Variants in PCDHGC3 observed in about 807,000 individuals in gnomAD.
PCDHGC3 encodes the protein protocadherin gamma-C3.
PCDHGC3 carries 26 observed loss-of-function variants against 59.2 expected under a neutral mutation model. The observed-to-expected ratio is 0.44, with a 90% CI of 0.32 to 0.61. The LOEUF is 0.61. Ranked by LOEUF, PCDHGC3 falls within the 20% of genes least tolerant of loss-of-function variation. The probability of loss-of-function intolerance (pLI) is 0.05; values close to 1 mark genes in which losing one functional copy is unlikely to be tolerated. For missense variants in PCDHGC3, 1,080 were observed against 1,221.8 expected (o/e 0.88, Z 1.73); for synonymous variants, 487 against 519.7 (o/e 0.94, Z 0.86).
intron 3 of PCDHGC3, among the ~76,000 whole-genome samples, chr5:141,509,398 G>A (rs1218925417): frequency 6.6e-6 from 1 of 152,106 alleles, no homozygotes; most frequent in Admixed American, 6.5e-5. Context: ...GGATCTCAGG[G>A]CCTCCAGCAG....
rs577239742 is a variant in PCDHGC3 at position 141,501,564 on chromosome 5, T to C, written c.2490-3829T>C. ...CATAAGATCATAGGCCCTGGAATCA[T>C]ATTAGGCTGGCTTTCAGGTTGCAAC... On this transcript the variant is annotated intron_variant, in intron 2 of 3. Coordinates refer to ENST00000308177, the MANE Select transcript of PCDHGC3 (RefSeq NM_002588.4). 5.9e-5 allele frequency among the ~76,000 whole-genome samples: 9 copies of C among 152,194 alleles called. No individual in the cohort carries two copies. The South Asian group carries it at 1.7e-3, about 28-fold the overall frequency.
At chr5:141,481,462 C>T (rs1395867714) in intron 1 of PCDHGC3, among the ~76,000 whole-genome samples, 1 of 152,162 alleles carries the variant, frequency 6.6e-6, no homozygotes. Flanking sequence ...ACACTGAAAA[C>T]CATTGGATTA....
rs765263883 is a variant in PCDHGC3 at position 141,491,018 on chromosome 5, C to T, written c.2431-3789C>T. On this transcript the variant is annotated intron_variant, in intron 1 of 3. Coordinates refer to ENST00000308177, the MANE Select transcript of PCDHGC3 (RefSeq NM_002588.4). This position sits in a 1 kb window ranked among gnomAD's most constrained non-coding sequence, Gnocchi z 6.9. The stretch of plus-strand genomic sequence containing the variant: ...CCTGGCTCCTTGGTCACCAAGGTGA[C>T]AGCCGTGGATGCTGATGCAGGCCAC... 1.2e-6 allele frequency: 2 copies of T among 1,614,146 alleles called. No individual in the cohort carries two copies. The highest frequency in any genetic ancestry group is 1.7e-6 in the Non-Finnish European group (2 of 1,180,042).
Position 141,486,587 on chromosome 5 carries a change from G to C in PCDHGC3, c.2430+8041G>C. 6.2e-7 allele frequency: 1 copy of C among 1,613,596 alleles called. No individual in the cohort carries two copies. The highest frequency in any genetic ancestry group is 8.5e-7 in the Non-Finnish European group (1 of 1,180,006). On this transcript the variant is annotated intron_variant, in intron 1 of 3. Transcript: ENST00000308177. The surrounding 1 kb of genome is among the most constrained non-coding windows in gnomAD (Gnocchi z 5.0). ...TGTTCCTGAGAACAATCGCCCAGGG[G>C]ACCTGCTTTGCTCCCTTGCAGCCTC...
At chr5:141,509,335 G>T (rs113423267) in intron 3 of PCDHGC3, among the ~76,000 whole-genome samples, 106 of 152,262 alleles carry the variant, frequency 7.0e-4, no homozygotes, top group African/African-American at 2.4e-3. Context: ...CTGCCAGCTG[G>T]GCCTGGGCTG....
In PCDHGC3 at chr5:141,485,822, G is replaced by A. The variant is rs750883983; in HGVS notation, c.2430+7276G>A. 6.2e-7 allele frequency: 1 copy of A among 1,614,192 alleles called. No individual in the cohort carries two copies. The highest frequency in any genetic ancestry group is 1.1e-5 in the South Asian group (1 of 91,080). ...CCGCCTGGTGCTGACTGCTGTCGAT[G>A]GAGGGAACCCGCCGAGATCTGGCAC... On this transcript the variant is annotated intron_variant, in intron 1 of 3. Transcript: ENST00000308177. This position sits in a 1 kb window ranked among gnomAD's most constrained non-coding sequence, Gnocchi z 5.7.
chr5:141,509,346 G>A (rs946395640), intron 3 of PCDHGC3, among the ~76,000 whole-genome samples: 7 of 152,194 alleles, frequency 4.6e-5, no homozygotes, highest in Non-Finnish European at 8.8e-5. Flanking sequence ...GCCTGGGCTG[G>A]CCTGGGCATC....
At position 141,489,947 on chromosome 5, in the gene PCDHGC3, A is replaced by G. The variant is rs368977481; in HGVS notation, c.2431-4860A>G. The G allele has an allele frequency of 5.4e-5, 87 of 1,614,090 alleles. No individual in the cohort carries two copies. Among genetic ancestry groups the G allele is most frequent in the South Asian group, 6.6e-5 (6 of 91,094 alleles). ...ATCTCTGTCATCGTGCTGGACATCA[A>G]TGATAATGCTCCAACCTTCCAATCC... On this transcript the variant is annotated intron_variant, in intron 1 of 3. Transcript: ENST00000308177. This position sits in a 1 kb window ranked among gnomAD's most constrained non-coding sequence, Gnocchi z 4.5.
chr5:141,503,665 C>A (rs1210514896), intron 2 of PCDHGC3, among the ~76,000 whole-genome samples: 2 of 151,792 alleles, frequency 1.3e-5, no homozygotes, highest in African/African-American at 4.8e-5. Flanking sequence ...AATTACAACT[C>A]TTCCCACTTT....
rs755421316 is a variant in PCDHGC3, at chr5:141,478,345, C to T, written c.2229C>T (p.His743=). The T allele has an allele frequency of 1.9e-6, 3 of 1,613,850 alleles. No homozygotes were observed. Among genetic ancestry groups the T allele is most frequent in the East Asian group, 4.5e-5 (2 of 44,876 alleles). ...SLYRTPGPSL[H]ADAVRGGLMS... ...ACCGAACACCAGGGCCCTCCTTGCA[C>T]GCGGACGCCGTGCGGGGAGGCCTGA... is the stretch of plus-strand genomic sequence containing the variant. The change falls in exon 1 of 4, where the codon CAC becomes CAT. Residue 743 remains histidine, a synonymous_variant. Transcript: ENST00000308177.
At position 141,511,260 on chromosome 5, in the gene PCDHGC3, G is replaced by A; in HGVS notation, c.*87G>A. 6.4e-7 allele frequency: 1 copy of A among 1,558,596 alleles called. No individual in the cohort carries two copies. Among genetic ancestry groups the A allele is most frequent in the Non-Finnish European group, 8.7e-7 (1 of 1,151,758 alleles). On this transcript the variant is annotated 3_prime_UTR_variant, in exon 4 of 4. Transcript: ENST00000308177. ...CCTGCACCCAGGCCTCAGAGTTTCA[G>A]GGCTAACCCCCAGAATACTGGTAGG...
chr5:141,510,847 AG>A, intron 3 of PCDHGC3, 99 bp from the exon 4 acceptor site: 3 of 1,595,350 alleles, frequency 1.9e-6, no homozygotes, highest in Non-Finnish European at 2.6e-6. Context: ...GTCAAGGCCC[AG>A]GGTGCTGTAT....
At position 141,477,284 on chromosome 5, in the gene PCDHGC3, G is replaced by A. The variant is rs751714522; in HGVS notation, c.1168G>A (p.Glu390Lys). 5.0e-6 allele frequency: 8 copies of A among 1,614,150 alleles called. No homozygotes were observed. The South Asian group carries it at 6.6e-5, about 13-fold the overall frequency. ...TGGCGAGAACGGGCTGGTGACCTGC[G>A]AAGTTCCACCGGGTCTCCCTTTCAG... ...DAGENGLVTC[E>K]VPPGLPFSLT... Residue 390 changes from glutamate (E) to lysine (K), a missense_variant, in exon 1 of 4, where the codon GAA becomes AAA. Glu to Lys is a moderately conservative substitution (Grantham distance 56). Transcript: ENST00000308177. This position sits in a 1 kb window ranked among gnomAD's most constrained non-coding sequence, Gnocchi z 4.9.
Position 141,490,835 on chromosome 5 carries a change from T to C in PCDHGC3, c.2431-3972T>C, listed in dbSNP as rs1284804400. 4 of 1,613,728 alleles carry C rather than the reference T, an allele frequency of 2.5e-6. No individual in the cohort carries two copies. The highest frequency in any genetic ancestry group is 1.1e-5 in the South Asian group (1 of 91,076). On this transcript the variant is annotated intron_variant, in intron 1 of 3. Transcript: ENST00000308177. This position sits in a 1 kb window ranked among gnomAD's most constrained non-coding sequence, Gnocchi z 5.4. ...TATGAATTGCTGCAGATGCTGCAGATTGTGGTGGGGGTTCGAGACTCCGGC... is the reference window on the plus strand; with the variant it reads ...TATGAATTGCTGCAGATGCTGCAGACTGTGGTGGGGGTTCGAGACTCCGGC...
rs2233600 is a variant in PCDHGC3, at chr5:141,489,134, A to C, written c.2431-5673A>C. 9,827 of 731,232 alleles carry C rather than the reference A, an allele frequency of 0.013. 1,099 individuals are homozygous for C. The East Asian group carries it at 0.25, about 19-fold the overall frequency. The allele number at this position is 731,232 out of a possible 1,614,324, so 45.3% of individuals were successfully genotyped here. A position where few individuals can be genotyped will look rare whatever the true frequency, so the allele number is the denominator to read the frequency against. Reference sequence around the variant, plus strand: ...GGCAAACCTCCGAGCAGTTTTTAAGAGGCTGGAAGGAGACATAAGAGACTT... The same window carrying C: ...GGCAAACCTCCGAGCAGTTTTTAAGCGGCTGGAAGGAGACATAAGAGACTT... On this transcript the variant is annotated intron_variant, in intron 1 of 3. Transcript: ENST00000308177. The surrounding 1 kb of genome is among the most constrained non-coding windows in gnomAD (Gnocchi z 4.5).
intron 2 of PCDHGC3, among the ~76,000 whole-genome samples, chr5:141,498,004 G>C (rs1385457484): frequency 6.6e-6 from 1 of 152,316 alleles, no homozygotes; most frequent in African/African-American, 2.4e-5. Flanking sequence ...GGAGTTTACA[G>C]TGCACTGAAG....
In PCDHGC3 at chr5:141,478,282, G is replaced by A; in HGVS notation, c.2166G>A (p.Gln722=). Residue 722 remains glutamine (Q), a synonymous_variant, in exon 1 of 4, where the codon CAG becomes CAA. Coordinates refer to ENST00000308177, the MANE Select transcript of PCDHGC3 (RefSeq NM_002588.4). ...VIIFKVYKWK[Q]SRDLYRAPVS... ...TATTCAAAGTTTACAAGTGGAAGCA[G>A]TCTAGAGACCTATACCGAGCCCCGG... 1 of 1,614,184 alleles carries A rather than the reference G, an allele frequency of 6.2e-7. No homozygotes were observed. The highest frequency in any genetic ancestry group is 8.5e-7 in the Non-Finnish European group (1 of 1,180,050).
chr5:141,492,071 C>T (rs992716777), intron 1 of PCDHGC3: 7 of 481,874 alleles, frequency 1.5e-5, no homozygotes, highest in African/African-American at 1.4e-4. Context: ...CTCCTAGGCG[C>T]CGGCTCCGGC....
intron 3 of PCDHGC3, among the ~76,000 whole-genome samples, chr5:141,505,999 G>A (rs891447053): frequency 1.3e-5 from 2 of 152,172 alleles, no homozygotes; most frequent in African/African-American, 4.8e-5. Flanking sequence ...TTTATGCGAG[G>A]CTCCTCTTTT....
Sources: gnomAD v4.1 joint callset for allele counts (sites outside exome capture counted in the v4.1 genomes callset) on GRCh38, gnomAD v4.1.1 for gene constraint, Gnocchi (gnomAD v3.1) non-coding constraint, MANE v1.5 for transcripts, NCBI Gene and HGNC (gene_info 2026-07-23, HGNC 2026-07-21) for gene names.